The following DYNC1I1 variants were observed in gnomAD, a reference collection of about 807,000 sequenced individuals.
DYNC1I1 encodes the protein cytoplasmic dynein 1 intermediate chain 1.
DYNC1I1 carries 43 observed loss-of-function variants against 86.6 expected under a neutral mutation model. The observed-to-expected ratio is 0.50, with a 90% CI of 0.39 to 0.64. The LOEUF is 0.64. Ranked by LOEUF, DYNC1I1 falls within the 30% of genes least tolerant of loss-of-function variation. DYNC1I1 has a pLI of 0.00. For synonymous variants in DYNC1I1, 262 were observed against 283.7 expected (o/e 0.92, Z 0.77); for missense variants, 604 against 788.8 (o/e 0.77, Z 2.81).
At chr7:95,969,524 G>A (rs1793110509) in intron 6 of DYNC1I1, among the ~76,000 whole-genome samples, 1 of 152,180 alleles carries the variant, frequency 6.6e-6, no homozygotes, top group South Asian at 2.1e-4. Flanking sequence ...ACTCCCACCT[G>A]AGTATCTCTG....
chr7:95,987,889 G>A (rs1031404167), intron 9 of DYNC1I1, among the ~76,000 whole-genome samples: 1 of 152,134 alleles, frequency 6.6e-6, no homozygotes, highest in Non-Finnish European at 1.5e-5. Flanking sequence ...GCCTAAAGCA[G>A]AACTTTCATC....
chr7:96,022,953 A>G (rs1215752497), intron 10 of DYNC1I1, among the ~76,000 whole-genome samples: 9 of 152,092 alleles, frequency 5.9e-5, no homozygotes, highest in Admixed American at 1.3e-4. Context: ...CCCATGACTC[A>G]TGTCGTCTTG....
At chr7:95,954,915 C>CAA (rs58435060) in intron 6 of DYNC1I1, among the ~76,000 whole-genome samples, 4,106 of 81,256 alleles carry the variant, frequency 0.051, 227 homozygotes, top group Non-Finnish European at 0.068. Context: ...GACTCTGTCT[C>CAA]AAAAAAAAAA....
intron 10 of DYNC1I1, among the ~76,000 whole-genome samples, chr7:96,005,631 A>G (rs187484638): frequency 8.5e-5 from 13 of 152,282 alleles, no homozygotes; most frequent in Non-Finnish European, 1.8e-4. Flanking sequence ...CCTGGAAAAG[A>G]ACTGCTGTAT....
In DYNC1I1 at chr7:95,984,814, G is replaced by A. The variant is rs753827978; in HGVS notation, c.581-1G>A. The A allele has an allele frequency of 6.4e-7, 1 of 1,572,946 alleles. No individual in the cohort carries two copies. The highest frequency in any genetic ancestry group is 8.6e-7 in the Non-Finnish European group (1 of 1,166,552). ...TTTTACAAAAAAATAAATAAATAAA[G>A]CCCCTCCAAGAGAGTTGACAGAGGA... is the stretch of plus-strand genomic sequence containing the variant. On this transcript the variant is annotated splice_acceptor_variant, in intron 7 of 16. Transcript: ENST00000447467. LOFTEE classifies it high-confidence loss of function.
At chr7:96,079,673 A>ACC (rs1219032591) in intron 15 of DYNC1I1, among the ~76,000 whole-genome samples, 1 of 152,182 alleles carries the variant, frequency 6.6e-6, no homozygotes, top group Non-Finnish European at 1.5e-5. Context: ...GGGTGGCTGT[A>ACC]TTCTATCACG....
In DYNC1I1 at chr7:95,907,516, C is replaced by T. The variant is rs186966919; in HGVS notation, c.490+37518C>T. Reference sequence around the variant, plus strand: ...CTCTTCACTATGGTCAAATCACATTCCTGTCCCTGTGCCTGTGGTCTTGCT... The same window carrying T: ...CTCTTCACTATGGTCAAATCACATTTCTGTCCCTGTGCCTGTGGTCTTGCT... On this transcript the variant is annotated intron_variant, in intron 6 of 16. Coordinates refer to ENST00000447467, the MANE Select transcript of DYNC1I1 (RefSeq NM_001135556.2). 1.9e-4 allele frequency among the ~76,000 whole-genome samples: 29 copies of T among 152,268 alleles called. No individual in the cohort carries two copies. In the East Asian group the frequency reaches 5.2e-3, roughly 27 times the overall value.
chr7:95,827,435 G>A (rs936893427), intron 4 of DYNC1I1, among the ~76,000 whole-genome samples: 1 of 152,194 alleles, frequency 6.6e-6, no homozygotes, highest in Non-Finnish European at 1.5e-5. Context: ...CATTGCTTAT[G>A]CAATGTTTAA....
chr7:95,998,397 G>A (rs1480926251), intron 10 of DYNC1I1, among the ~76,000 whole-genome samples: 3 of 152,228 alleles, frequency 2.0e-5, no homozygotes, highest in Admixed American at 6.5e-5. Context: ...GGTTCTAGAC[G>A]TGGCTATCTT....
At chr7:96,001,680 G>A (rs577188586) in intron 10 of DYNC1I1, among the ~76,000 whole-genome samples, 10 of 152,286 alleles carry the variant, frequency 6.6e-5, no homozygotes, top group South Asian at 2.1e-4. Flanking sequence ...GTCTTGTTGT[G>A]TCTTCACATG....
downstream of DYNC1I1, among the ~76,000 whole-genome samples, chr7:96,099,202 G>C (rs369516259): frequency 6.6e-6 from 1 of 152,176 alleles, no homozygotes; most frequent in African/African-American, 2.4e-5. Context: ...GGTGAGTGAT[G>C]ATGTGAAAAG....
At chr7:95,936,956 T>TCACACACA (rs57989893) in intron 6 of DYNC1I1, among the ~76,000 whole-genome samples, 10,002 of 134,208 alleles carry the variant, frequency 0.075, 474 homozygotes, top group Non-Finnish European at 0.1. Context: ...AGAATATGTC[T>TCACACACA]CACACACACA....
chr7:95,964,201 C>T (rs1033835215), intron 6 of DYNC1I1, among the ~76,000 whole-genome samples: 3 of 152,082 alleles, frequency 2.0e-5, no homozygotes, highest in Admixed American at 1.3e-4. Context: ...GGGAATTGGA[C>T]ACTAGAATGA....
intron 10 of DYNC1I1, among the ~76,000 whole-genome samples, chr7:96,014,767 C>T (rs769067874): frequency 1.3e-5 from 2 of 152,168 alleles, no homozygotes; most frequent in African/African-American, 4.8e-5. Flanking sequence ...TTGTGAAGTA[C>T]TGCAGACAAT....
chr7:96,085,187 T>C (rs1790642660), intron 16 of DYNC1I1, among the ~76,000 whole-genome samples: 1 of 152,170 alleles, frequency 6.6e-6, no homozygotes, highest in African/African-American at 2.4e-5. Context: ...AGTACCCCCA[T>C]GACCATGCCT....
intron 6 of DYNC1I1, among the ~76,000 whole-genome samples, chr7:95,939,245 G>C (rs1176517255): frequency 6.6e-6 from 1 of 152,138 alleles, no homozygotes; most frequent in African/African-American, 2.4e-5. Flanking sequence ...AATAGGTGTG[G>C]TGTGGTGCTG....
chr7:95,877,215 G>A (rs948807314), intron 6 of DYNC1I1, among the ~76,000 whole-genome samples: 3 of 152,166 alleles, frequency 2.0e-5, no homozygotes, highest in Non-Finnish European at 4.4e-5. Context: ...TAAGTTCCAA[G>A]CAAGTGTGAG....
intron 9 of DYNC1I1, among the ~76,000 whole-genome samples, chr7:95,991,182 T>C (rs1475227575): frequency 6.6e-6 from 1 of 152,186 alleles, no homozygotes; most frequent in Non-Finnish European, 1.5e-5. Flanking sequence ...ACTTCTATTG[T>C]CCCCCAGAAT....
intron 6 of DYNC1I1, among the ~76,000 whole-genome samples, chr7:95,934,223 C>G (rs1791978856): frequency 1.3e-5 from 2 of 152,202 alleles, no homozygotes; most frequent in Middle Eastern, 3.4e-3. Flanking sequence ...TGGACATTTT[C>G]TTAGGTTAAT....
Sources: gnomAD v4.1 joint callset for allele counts (sites outside exome capture counted in the v4.1 genomes callset) on GRCh38, gnomAD v4.1.1 for gene constraint, MANE v1.5 for transcripts, NCBI Gene and HGNC (gene_info 2026-07-23, HGNC 2026-07-21) for gene names.